TG: variants seen among roughly 807,000 people sequenced by gnomAD.
TG encodes thyroid hormones.
In TG, 270 loss-of-function variants were observed where a neutral mutation model predicts 324.7. That is an observed-to-expected ratio of 0.83 (90% CI 0.75 to 0.92). TG has a LOEUF of 0.92. Among genes scored for constraint, TG ranks in the 40% least tolerant of loss-of-function variants. The pLI, the probability that TG is intolerant of heterozygous loss-of-function variation, is 0.00. For synonymous variants in TG, 1,401 were observed against 1,327.0 expected, an observed-to-expected ratio of 1.06 and a Z score of -1.21; for missense variants, 3,591 against 3,456.4, an observed-to-expected ratio of 1.04 and a Z score of -0.98.
Position 132,933,637 on chromosome 8 carries a change from T to C in TG, c.4893T>C (p.Ala1631=). 1 of 1,614,148 alleles carries C rather than the reference T, an allele frequency of 6.2e-7. No homozygotes were observed. The highest frequency in any genetic ancestry group is 8.5e-7 in the Non-Finnish European group (1 of 1,180,036). Residue 1631 remains alanine (A), a synonymous_variant, in exon 24 of 48, where the codon GCT becomes GCC. Transcript: ENST00000220616. The part of the protein sequence containing the change: ...TEPEISCDFY[A]WTSDNVACMT... ...CAGAGATTTCCTGTGATTTCTATGC[T>C]TGGACAAGTGACAATGTTGCCTGCA...
At position 132,898,155 on chromosome 8, in the gene TG, T is replaced by A; in HGVS notation, c.3140-14T>A. 1 of 1,592,514 alleles carries A rather than the reference T, an allele frequency of 6.3e-7. No individual in the cohort carries two copies. Among genetic ancestry groups the A allele is most frequent in the South Asian group, 1.1e-5 (1 of 87,376 alleles). On this transcript the variant is annotated splice_polypyrimidine_tract_variant and intron_variant, in intron 12 of 47. Coordinates refer to ENST00000220616, the MANE Select transcript of TG (RefSeq NM_003235.5). ...GTGCAATTCCTGAATGTTCTCCCCTTGGCTCTTTTCCAGGGCACTGCTGGT... is the reference window on the plus strand; with the variant it reads ...GTGCAATTCCTGAATGTTCTCCCCTAGGCTCTTTTCCAGGGCACTGCTGGT...
chr8:133,022,286 T>G (rs1344481387), intron 40 of TG, 136 bp downstream of exon 40: 1 of 1,148,604 alleles, frequency 8.7e-7, no homozygotes, highest in South Asian at 1.3e-5. Context: ...TTAGCACATA[T>G]GGGAGACCCT....
intron 41 of TG, chr8:133,037,216 C>T (rs1244888187): frequency 6.6e-6 from 1 of 152,190 alleles, no homozygotes; most frequent in Non-Finnish European, 1.5e-5. Context: ...ATCTGCAGCC[C>T]ACTCTCTTCC....
intron 35 of TG, among the ~76,000 whole-genome samples, chr8:132,993,967 C>CA (rs904621231): frequency 5.9e-5 from 9 of 152,166 alleles, no homozygotes; most frequent in African/African-American, 2.2e-4. Flanking sequence ...ACCACATAAT[C>CA]AAAAATGACC....
intron 41 of TG, among the ~76,000 whole-genome samples, chr8:133,055,334 T>C (rs1841174866): frequency 6.6e-6 from 1 of 150,660 alleles, no homozygotes; most frequent in Non-Finnish European, 1.5e-5. Flanking sequence ...TGACTTTCAG[T>C]GTCATCTTCA....
At chr8:133,060,984 A>C (rs1309635962) in intron 41 of TG, among the ~76,000 whole-genome samples, 1 of 152,192 alleles carries the variant, frequency 6.6e-6, no homozygotes, top group East Asian at 1.9e-4. Flanking sequence ...CTTACAAGCT[A>C]GATGACTTCG....
At chr8:132,985,600 A>G (rs1023375485) in intron 35 of TG, among the ~76,000 whole-genome samples, 26 of 152,204 alleles carry the variant, frequency 1.7e-4, no homozygotes, top group African/African-American at 5.3e-4. Context: ...TTCACCACAG[A>G]GCCCCAAAGA....
Position 132,886,642 on chromosome 8 carries a change from C to G in TG, c.1270C>G (p.Pro424Ala). 6.2e-7 allele frequency: 1 copy of G among 1,614,170 alleles called. No individual in the cohort carries two copies. The highest frequency in any genetic ancestry group is 8.5e-7 in the Non-Finnish European group (1 of 1,180,048). The change falls in exon 9 of 48, where the codon CCA becomes GCA. Residue 424 changes from proline (P) to alanine (A), a missense_variant. Transcript: ENST00000220616. ...CTTTGTGGACTCTGGGCTTCTCCGCCCAATGGTGGAGGGACAGAGCCAACA... is the reference window on the plus strand; with the variant it reads ...CTTTGTGGACTCTGGGCTTCTCCGCGCAATGGTGGAGGGACAGAGCCAACA... Reference protein sequence around the residue: ...ELFVDSGLLRPMVEGQSQQFS... With the variant: ...ELFVDSGLLRAMVEGQSQQFS...
rs1814781694 is a variant in TG, at chr8:132,882,468, G to C, written c.746-1G>C. The C allele has an allele frequency of 6.2e-7, 1 of 1,614,206 alleles. No individual in the cohort carries two copies. The highest frequency in any genetic ancestry group is 8.5e-7 in the Non-Finnish European group (1 of 1,180,036). ...CTGAAAGTCTTGCTGTCTTTGCTCA[G>C]GTTTGGAGTTGTTACTGGATGAAAT... On this transcript the variant is annotated splice_acceptor_variant, in intron 6 of 47. Coordinates refer to ENST00000220616, the MANE Select transcript of TG (RefSeq NM_003235.5). LOFTEE classifies it high-confidence loss of function.
At chr8:132,969,437 T>C (rs1829146214) in intron 31 of TG, 21 bp from the exon 32 acceptor site, 8 of 1,543,110 alleles carry the variant, frequency 5.2e-6, no homozygotes, top group Non-Finnish European at 7.2e-6. Context: ...AGTAATGTAT[T>C]TTCTTTCTTC....
chr8:132,978,998 A>G (rs73357209), intron 34 of TG, among the ~76,000 whole-genome samples: 3,537 of 152,328 alleles, frequency 0.023, 137 homozygotes, highest in African/African-American at 0.08. Flanking sequence ...AGAAAGTTCC[A>G]TGCATCTTAG....
At position 132,967,826 on chromosome 8, in the gene TG, G is replaced by C; in HGVS notation, c.5719G>C (p.Ala1907Pro). The change falls in exon 31 of 48, where the codon GCA (alanine) becomes CCA (proline). Residue 1907 changes from alanine (A) to proline (P), a missense_variant. By Grantham distance (27) the Ala-to-Pro change is conservative (BLOSUM62 -1). Transcript: ENST00000220616. ...CVQEHSFCQL[A>P]EITESASLYF... ...GCAGGAGCACTCTTTCTGTCAGCTC[G>C]CAGAGATAACAGAGAGTGCATCCTT... 3.1e-6 allele frequency: 5 copies of C among 1,613,854 alleles called. No homozygotes were observed. The highest frequency in any genetic ancestry group is 4.2e-6 in the Non-Finnish European group (5 of 1,179,878).
chr8:132,970,034 C>T (rs1286053696), intron 32 of TG, among the ~76,000 whole-genome samples: 5 of 148,640 alleles, frequency 3.4e-5, no homozygotes, highest in Non-Finnish European at 7.4e-5. Context: ...ATAGTAAACA[C>T]AACATTTAGC....
At chr8:133,020,272 T>C (rs763951981) in intron 39 of TG, among the ~76,000 whole-genome samples, 1 of 152,196 alleles carries the variant, frequency 6.6e-6, no homozygotes, top group Non-Finnish European at 1.5e-5. Flanking sequence ...CCGGGCCCCA[T>C]CCTGACCTTG....
In TG at chr8:133,003,551, C is replaced by T. The variant is rs545186631; in HGVS notation, c.6263-8350C>T. 2.0e-4 allele frequency among the ~76,000 whole-genome samples: 31 copies of T among 151,912 alleles called. 1 individual carries two copies. In the South Asian group the frequency reaches 5.4e-3, roughly 26 times the overall value. ...TCTGCATCATATACATATATCATAA[C>T]CTTGTATTATACCCCATAAATATGT... On this transcript the variant is annotated intron_variant, in intron 35 of 47. Transcript: ENST00000220616.
intron 22 of TG, among the ~76,000 whole-genome samples, chr8:132,925,304 A>C (rs753635087): frequency 6.6e-6 from 1 of 152,192 alleles, no homozygotes; most frequent in South Asian, 2.1e-4. Flanking sequence ...CATTCTACCA[A>C]TCTGTTTCCA....
At chr8:132,927,483 G>A (rs578123104) in intron 22 of TG, among the ~76,000 whole-genome samples, 1 of 152,322 alleles carries the variant, frequency 6.6e-6, no homozygotes, top group East Asian at 1.9e-4. Context: ...TAAGACATTT[G>A]TAAATAGCCG....
chr8:133,085,209 T>C (rs2131563231), intron 41 of TG, among the ~76,000 whole-genome samples: 1 of 152,348 alleles, frequency 6.6e-6, no homozygotes, highest in East Asian at 1.9e-4. Flanking sequence ...TAGCAGTCCA[T>C]TGTAAAAACA....
At chr8:133,110,302 G>A (rs1850155317) in intron 43 of TG, among the ~76,000 whole-genome samples, 1 of 152,060 alleles carries the variant, frequency 6.6e-6, no homozygotes, top group South Asian at 2.1e-4. Context: ...CTCGAATTTG[G>A]CACCTTCTGC....
Sources: allele counts gnomAD v4.1 joint callset (sites outside exome capture counted in the v4.1 genomes callset), GRCh38; gene constraint gnomAD v4.1.1; transcripts MANE v1.5; gene names NCBI Gene and HGNC (gene_info 2026-07-23, HGNC 2026-07-21).